The following PRKG1 variants were observed in gnomAD, a reference collection of about 807,000 sequenced individuals.
PRKG1 encodes protein kinase cGMP-dependent 1.
In PRKG1, 35 loss-of-function variants were observed where a neutral mutation model predicts 88.1. The ratio of observed to expected loss-of-function variants is 0.40; its 90% confidence interval spans 0.30 to 0.53. The LOEUF (loss-of-function observed/expected upper bound fraction) is 0.53, where lower values mean the gene tolerates loss of function less well. PRKG1 is among the 20% of genes least tolerant of loss of function. The pLI is 0.59. For missense variants in PRKG1, 540 were observed against 839.8 expected, an observed-to-expected ratio of 0.64 and a Z score of 4.41; for synonymous variants, 303 against 292.5, an observed-to-expected ratio of 1.04 and a Z score of -0.37.
intron 7 of PRKG1, among the ~76,000 whole-genome samples, chr10:52,107,472 C>A (rs1847453995): frequency 1.3e-5 from 2 of 152,088 alleles, no homozygotes; most frequent in Admixed American, 6.5e-5. Flanking sequence ...ATAAAGCCTG[C>A]TGAGCAGTGA....
intron 2 of PRKG1, among the ~76,000 whole-genome samples, chr10:51,432,108 T>C (rs1053305132): frequency 9.2e-5 from 14 of 152,132 alleles, no homozygotes; most frequent in African/African-American, 3.4e-4. Context: ...AGCAATGGAG[T>C]ATGCCGCAAT....
At chr10:52,131,021 C>T (rs1020841102) in intron 7 of PRKG1, among the ~76,000 whole-genome samples, 12 of 152,244 alleles carry the variant, frequency 7.9e-5, no homozygotes, top group African/African-American at 2.9e-4. Context: ...AGTGGCTACT[C>T]GTATTCCCAT....
Position 52,168,959 on chromosome 10 carries a change from CTGG to C in PRKG1, c.1076+6999_1076+7001del, listed in dbSNP as rs746235444. ...ACTTTTGAGATATGGTTAGGCAGGT[CTGG>C]TGCTCAGACAGAAGATTGTTATCAG... On this transcript the variant is annotated intron_variant, in intron 9 of 17. Transcript: ENST00000373980. Among the ~76,000 whole-genome samples, 7 of 152,154 alleles carry C rather than the reference CTGG, an allele frequency of 4.6e-5. No homozygotes were observed. The South Asian group carries it at 1.5e-3, about 32-fold the overall frequency.
intron 3 of PRKG1, among the ~76,000 whole-genome samples, chr10:51,719,017 G>A (rs1454178868): frequency 6.6e-6 from 1 of 152,086 alleles, no homozygotes; most frequent in Non-Finnish European, 1.5e-5. Context: ...ATGGTGGCAA[G>A]TGCCTGCAGT....
chr10:51,395,752 A>T (rs147212121), intron 2 of PRKG1, among the ~76,000 whole-genome samples: 1 of 152,318 alleles, frequency 6.6e-6, no homozygotes, highest in East Asian at 1.9e-4. Flanking sequence ...ATTAGGGAGA[A>T]GGGTTTTGAG....
chr10:51,216,569 CAT>C (rs2132082616), intron 2 of PRKG1, among the ~76,000 whole-genome samples: 1 of 152,300 alleles, frequency 6.6e-6, no homozygotes, highest in East Asian at 1.9e-4. Context: ...TGTGAATTAA[CAT>C]ATGCAAAATA....
chr10:51,802,012 A>C (rs1839185755), intron 3 of PRKG1, among the ~76,000 whole-genome samples: 1 of 152,190 alleles, frequency 6.6e-6, no homozygotes, highest in Non-Finnish European at 1.5e-5. Context: ...TTATTTGTGA[A>C]ATGCTTATTC....
chr10:51,297,188 A>G (rs569089926), intron 2 of PRKG1, among the ~76,000 whole-genome samples: 3 of 152,010 alleles, frequency 2.0e-5, no homozygotes, highest in African/African-American at 4.8e-5. Context: ...TAATAGGGGG[A>G]AAAAGGGCAT....
intron 10 of PRKG1, among the ~76,000 whole-genome samples, chr10:52,270,002 TA>T: frequency 6.6e-6 from 1 of 152,016 alleles, no homozygotes; most frequent in East Asian, 1.9e-4. Flanking sequence ...TCAAAGGAAC[TA>T]AAGCCATCAT....
chr10:52,239,589 A>G (rs1447110226), intron 9 of PRKG1, among the ~76,000 whole-genome samples: 1 of 147,674 alleles, frequency 6.8e-6, no homozygotes, highest in Non-Finnish European at 1.5e-5. Flanking sequence ...AGTTTCTTTC[A>G]TTTTACTCAA....
chr10:52,270,626 A>T (rs1841698895), intron 10 of PRKG1, among the ~76,000 whole-genome samples: 1 of 151,114 alleles, frequency 6.6e-6, no homozygotes, highest in Non-Finnish European at 1.5e-5. Context: ...AAGGACCAAA[A>T]ACCAAACACC....
chr10:52,205,016 T>A (rs1017032656), intron 9 of PRKG1, among the ~76,000 whole-genome samples: 5 of 152,062 alleles, frequency 3.3e-5, no homozygotes, highest in Non-Finnish European at 7.4e-5. Flanking sequence ...GCTTCTAAAA[T>A]GGCTGCCCTG....
chr10:51,820,844 C>G (rs1416134683), intron 4 of PRKG1, among the ~76,000 whole-genome samples: 1 of 152,064 alleles, frequency 6.6e-6, no homozygotes, highest in Non-Finnish European at 1.5e-5. Context: ...GGTTATAACT[C>G]TTACAGTATT....
intron 2 of PRKG1, among the ~76,000 whole-genome samples, chr10:51,451,748 A>G (rs1839444064): frequency 6.6e-6 from 1 of 151,972 alleles, no homozygotes; most frequent in African/African-American, 2.4e-5. Context: ...CTGTGCTCAC[A>G]ATAAGTATTT....
chr10:51,239,920 A>C (rs1199818826), intron 2 of PRKG1, among the ~76,000 whole-genome samples: 3 of 152,148 alleles, frequency 2.0e-5, no homozygotes, highest in African/African-American at 7.2e-5. Context: ...TTTTTGCAAA[A>C]CATGTAACAC....
intron 3 of PRKG1, among the ~76,000 whole-genome samples, chr10:51,700,007 A>G (rs1410836503): frequency 2.6e-5 from 4 of 152,264 alleles, no homozygotes; most frequent in African/African-American, 4.8e-5. Flanking sequence ...TCGTTCTGAC[A>G]AAGTATTTTC....
At chr10:52,207,036 G>T (rs1395516773) in intron 9 of PRKG1, among the ~76,000 whole-genome samples, 1 of 152,222 alleles carries the variant, frequency 6.6e-6, no homozygotes, top group Non-Finnish European at 1.5e-5. Context: ...GCCAACAGGG[G>T]CATTGCAATG....
chr10:51,426,399 G>T (rs1324836650), intron 2 of PRKG1, among the ~76,000 whole-genome samples: 4 of 152,184 alleles, frequency 2.6e-5, no homozygotes. Flanking sequence ...AAATGGAGAT[G>T]AATACGAATG....
chr10:52,229,984 T>G (rs1840484084), intron 9 of PRKG1, among the ~76,000 whole-genome samples: 1 of 152,180 alleles, frequency 6.6e-6, no homozygotes, highest in African/African-American at 2.4e-5. Context: ...CGCTGGTACC[T>G]GATTGTATAC....
Sources: gnomAD v4.1 joint callset for allele counts (sites outside exome capture counted in the v4.1 genomes callset) on GRCh38, gnomAD v4.1.1 for gene constraint, MANE v1.5 for transcripts, NCBI Gene and HGNC (gene_info 2026-07-23, HGNC 2026-07-21) for gene names.